Variants in RYR2 observed in about 807,000 individuals in gnomAD.
RYR2 encodes the protein cardiac muscle ryanodine receptor-calcium release channel.
A neutral mutation model predicts 601.1 loss-of-function variants in RYR2; 227 were observed. The ratio of observed to expected loss-of-function variants is 0.38; its 90% CI spans 0.34 to 0.42. The LOEUF is 0.42. Among genes scored for constraint, RYR2 ranks in the 10% least tolerant of loss-of-function variants. The pLI, the probability that RYR2 is intolerant of heterozygous loss-of-function variation, is 1.00. For missense variants in RYR2, 4,646 were observed against 6,156.5 expected (o/e 0.75, Z 8.21); for synonymous variants, 2,223 against 2,175.1 (o/e 1.02, Z -0.61).
intron 1 of RYR2, among the ~76,000 whole-genome samples, chr1:237,232,534 C>T (rs938919076): frequency 4.6e-5 from 7 of 152,122 alleles, no homozygotes; most frequent in African/African-American, 1.4e-4. Flanking sequence ...TTACAATAAA[C>T]CAGTAAATAT....
At chr1:237,641,485 C>CTTTCTTTCTTTCTTTCTTTCTTTCTT (rs1681500284) in intron 47 of RYR2, among the ~76,000 whole-genome samples, 1 of 72,190 alleles carries the variant, frequency 1.4e-5, no homozygotes, top group East Asian at 3.3e-4. Flanking sequence ...TTCTTTCTTT[C>CTTTCTTTCTTTCTTTCTTTCTTTCTT]TTTCTTTCTT....
Position 237,148,042 on chromosome 1 carries a change from T to G in RYR2, c.48+105473T>G, listed in dbSNP as rs189066000. Among the ~76,000 whole-genome samples the G allele has an allele frequency of 3.2e-4, 49 of 152,324 alleles. No homozygotes were observed. In the East Asian group the frequency reaches 6.9e-3, roughly 22 times the overall value. ...AATCATCTGGAAATTTTGCATAATA[T>G]GACAGTTTTCTCCTGAAGCAAGTTC... On this transcript the variant is annotated intron_variant, in intron 1 of 104. Transcript: ENST00000366574.
At chr1:237,197,658 G>A (rs923577230) in intron 1 of RYR2, among the ~76,000 whole-genome samples, 1 of 152,236 alleles carries the variant, frequency 6.6e-6, no homozygotes, top group Non-Finnish European at 1.5e-5. Context: ...AGGAATGAGG[G>A]TGGAAGGGAT....
In RYR2 at chr1:237,503,471, C is replaced by G; in HGVS notation, c.2579C>G (p.Ala860Gly). ...LLGPTVSLTQAAFTPIPVDTS... is the reference protein window; with the variant it reads ...LLGPTVSLTQGAFTPIPVDTS... ...GGCCCCACAGTTTCCCTGACGCAAG[C>G]TGCCTTCACACCCATCCCTGTGGAT... The change falls in exon 22 of 105, where the codon GCT becomes GGT. Residue 860 changes from alanine (A) to glycine (G), a missense_variant. Transcript: ENST00000366574. 2 of 1,613,920 alleles carry G rather than the reference C, an allele frequency of 1.2e-6. No homozygotes were observed. Among genetic ancestry groups the G allele is most frequent in the South Asian group, 2.2e-5 (2 of 91,082 alleles).
intron 1 of RYR2, among the ~76,000 whole-genome samples, chr1:237,111,890 G>A (rs1010645316): frequency 6.6e-6 from 1 of 152,156 alleles, no homozygotes; most frequent in Non-Finnish European, 1.5e-5. Context: ...ACTGGCAGAA[G>A]GACAAAATGT....
rs180826430 is a variant in RYR2 at position 237,749,881 on chromosome 1, C to T, written c.11146-6407C>T. ...ATAATGTCAGCCAGGTGCAGTGTAT[C>T]GTGGCTGTAATCCCAGCACTTTGGG... On this transcript the variant is annotated intron_variant, in intron 80 of 104. Coordinates refer to ENST00000366574, the MANE Select transcript of RYR2 (RefSeq NM_001035.3). 7.2e-5 allele frequency among the ~76,000 whole-genome samples: 11 copies of T among 152,238 alleles called. No homozygotes were observed. The East Asian group carries it at 7.7e-4, about 11-fold the overall frequency.
chr1:237,728,553 A>G (rs1420678533), intron 76 of RYR2, among the ~76,000 whole-genome samples: 2 of 152,146 alleles, frequency 1.3e-5, no homozygotes, highest in African/African-American at 4.8e-5. Context: ...TCAATGATAG[A>G]CTGGATAAAG....
At chr1:237,237,957 CTTT>C (rs144790273) in intron 1 of RYR2, among the ~76,000 whole-genome samples, 75 of 62,542 alleles carry the variant, frequency 1.2e-3, no homozygotes, top group African/African-American at 1.6e-3. Context: ...CTTTCCTTTC[CTTT>C]CCTTTCCTTT....
At chr1:237,546,710 T>C (rs1392749343) in intron 25 of RYR2, among the ~76,000 whole-genome samples, 1 of 151,954 alleles carries the variant, frequency 6.6e-6, no homozygotes, top group African/African-American at 2.4e-5. Flanking sequence ...ATATATGGGA[T>C]GTATTATAGT....
intron 95 of RYR2, 99 bp downstream of exon 95, chr1:237,794,096 G>A: frequency 2.0e-6 from 2 of 983,248 alleles, no homozygotes; most frequent in Non-Finnish European, 3.1e-6. Flanking sequence ...TTTAGCAGAG[G>A]TGAATAATAG....
chr1:237,450,217 G>A (rs1657915563), intron 14 of RYR2, among the ~76,000 whole-genome samples: 1 of 152,098 alleles, frequency 6.6e-6, no homozygotes, highest in Non-Finnish European at 1.5e-5. Context: ...GTGTTCTGCT[G>A]AATATTTGAG....
intron 97 of RYR2, among the ~76,000 whole-genome samples, chr1:237,801,535 C>T (rs184634777): frequency 7.8e-6 from 1 of 127,664 alleles, no homozygotes. Context: ...GAGTGCAACT[C>T]TGTCTCAAAA....
rs569713658 is a variant in RYR2, at chr1:237,073,446, G to A, written c.48+30877G>A. On this transcript the variant is annotated intron_variant, in intron 1 of 104. Coordinates refer to ENST00000366574, the MANE Select transcript of RYR2 (RefSeq NM_001035.3). ...GTTCAGAGCCCCGCTGTCCAGTATG[G>A]CAGCCACTGGCCATGTGTGGCTGTT... Among the ~76,000 whole-genome samples the A allele has an allele frequency of 2.0e-5, 3 of 152,320 alleles. No homozygotes were observed. In the South Asian group the frequency reaches 6.2e-4, roughly 32 times the overall value.
At chr1:237,793,426 G>T (rs1159741335) in intron 94 of RYR2, among the ~76,000 whole-genome samples, 1 of 152,170 alleles carries the variant, frequency 6.6e-6, no homozygotes, top group African/African-American at 2.4e-5. Context: ...ATAGTATGTG[G>T]TGATGCTGAG....
intron 2 of RYR2, among the ~76,000 whole-genome samples, chr1:237,280,781 G>GTTTTTTTTTTT (rs35115328): frequency 7.0e-6 from 1 of 143,670 alleles, no homozygotes. Context: ...CTTCTTACTG[G>GTTTTTTTTTTT]TTTTTTTTTT....
At chr1:237,370,333 C>G (rs1700538155) in intron 6 of RYR2, among the ~76,000 whole-genome samples, 1 of 151,942 alleles carries the variant, frequency 6.6e-6, no homozygotes. Flanking sequence ...GACCAGAAGC[C>G]TTACCAATAC....
chr1:237,743,632 A>G, intron 80 of RYR2: 1 of 518,492 alleles, frequency 1.9e-6, no homozygotes, highest in Non-Finnish European at 3.9e-6. Context: ...AGGTAAAACT[A>G]TATATATGTG....
intron 24 of RYR2, among the ~76,000 whole-genome samples, chr1:237,514,109 A>G (rs1419922537): frequency 6.6e-6 from 1 of 152,214 alleles, no homozygotes; most frequent in Non-Finnish European, 1.5e-5. Flanking sequence ...TCTTGACATG[A>G]GGCTTGTATA....
At chr1:237,783,585 A>G in intron 89 of RYR2, 90 bp from the exon 90 acceptor site, 2 of 732,506 alleles carry the variant, frequency 2.7e-6, no homozygotes, top group Non-Finnish European at 4.5e-6. Context: ...TCCTTGATTC[A>G]GATGTTATTA....
Sources: allele counts gnomAD v4.1 joint callset (sites outside exome capture counted in the v4.1 genomes callset), GRCh38; gene constraint gnomAD v4.1.1; transcripts MANE v1.5; gene names NCBI Gene and HGNC (gene_info 2026-07-23, HGNC 2026-07-21).